The following DNM1L variants were observed in gnomAD, a reference collection of about 807,000 sequenced individuals.
DNM1L encodes dynamin 1L.
A neutral mutation model predicts 92.8 loss-of-function variants in DNM1L; 33 were observed. That is an observed-to-expected ratio of 0.36 (90% CI 0.27 to 0.48). The LOEUF (loss-of-function observed/expected upper bound fraction) is 0.48, where lower values mean the gene tolerates loss of function less well. Among genes scored for constraint, DNM1L ranks in the 20% least tolerant of loss-of-function variants. The pLI, the probability that DNM1L is intolerant of heterozygous loss-of-function variation, is 0.99. For missense variants in DNM1L, 485 were observed against 888.8 expected (o/e 0.55, Z 5.78); for synonymous variants, 284 against 305.0 (o/e 0.93, Z 0.72).
Position 32,737,851 on chromosome 12 carries a change from T to A in DNM1L, c.1597-14T>A. The A allele has an allele frequency of 1.2e-6, 2 of 1,612,890 alleles. No homozygotes were observed. Among genetic ancestry groups the A allele is most frequent in the Non-Finnish European group, 1.7e-6 (2 of 1,178,996 alleles). On this transcript the variant is annotated splice_polypyrimidine_tract_variant and intron_variant, in intron 14 of 19. Coordinates refer to ENST00000549701, the MANE Select transcript of DNM1L (RefSeq NM_012062.5). ...TCCTTGATTTTTTTTCCCCCCTGGA[T>A]TTTTTGCCTTTAGTCTTCTAAAGTT...
At chr12:32,705,942 T>G in intron 2 of DNM1L, 1 of 1,309,420 alleles carries the variant, frequency 7.6e-7, no homozygotes, top group Non-Finnish European at 1.0e-6. Flanking sequence ...ACAGGCTGTG[T>G]GTATTTTTTT....
chr12:32,740,319 A>C lies in DNM1L; in HGVS notation c.1884+79A>C, dbSNP rs1055446072. 1.7e-5 allele frequency: 27 copies of C among 1,611,782 alleles called. 1 individual carries two copies. The South Asian group carries it at 3.0e-4, about 18-fold the overall frequency. ...AAAACGATTAGACAGAAAGAACTAA[A>C]AGTCTCAAAAACTTACATAACTTTC... On this transcript the variant is annotated intron_variant, in intron 17 of 19. Transcript: ENST00000549701.
intron 9 of DNM1L, chr12:32,726,448 C>G (rs567639189): frequency 6.9e-6 from 9 of 1,309,180 alleles, no homozygotes; most frequent in Non-Finnish European, 9.9e-6. Context: ...TTTTCCTCAT[C>G]TCCTTTGTCC....
At chr12:32,738,208 CATTGGT>C in intron 15 of DNM1L, 50 bp from the exon 16 acceptor site, 3 of 1,592,288 alleles carry the variant, frequency 1.9e-6, no homozygotes, top group Non-Finnish European at 2.6e-6. Flanking sequence ...AATTTCAACC[CATTGGT>C]ATTTAAATTT....
intron 1 of DNM1L, among the ~76,000 whole-genome samples, chr12:32,694,133 G>C (rs1244651858): frequency 2.0e-5 from 3 of 152,138 alleles, no homozygotes; most frequent in Admixed American, 6.5e-5. Context: ...GCCCAGGCTG[G>C]AGTGCAGTGG....
At position 32,743,683 on chromosome 12, in the gene DNM1L, A is replaced by G; in HGVS notation, c.*273A>G. 2.2e-6 allele frequency: 1 copy of G among 459,582 alleles called. No homozygotes were observed. The highest frequency in any genetic ancestry group is 3.5e-5 in the Admixed American group (1 of 28,502). 28.5% of individuals were successfully genotyped at this position (459,582 alleles called of 1,614,324 possible). On this transcript the variant is annotated 3_prime_UTR_variant, in exon 20 of 20. Transcript: ENST00000549701. ...TTCATCTGAACTTAACTTAAAAACA[A>G]CTGTTAATGTTCTAGTTGTGCAAAG...
At chr12:32,699,547 A>G (rs1387946837) in intron 1 of DNM1L, among the ~76,000 whole-genome samples, 1 of 152,022 alleles carries the variant, frequency 6.6e-6, no homozygotes, top group Non-Finnish European at 1.5e-5. Context: ...TCAAAAAACA[A>G]TGCTTTGGGA....
intron 1 of DNM1L, among the ~76,000 whole-genome samples, chr12:32,685,624 A>T (rs183015479): frequency 6.6e-6 from 1 of 152,044 alleles, no homozygotes. Flanking sequence ...CGGCCTCCCA[A>T]AGTGCTGGGA....
intron 15 of DNM1L, 37 bp from the exon 16 acceptor site, chr12:32,738,227 C>T (rs1955037215): frequency 6.2e-7 from 1 of 1,610,596 alleles, no homozygotes; most frequent in Non-Finnish European, 8.5e-7. Context: ...TTAAATTTTG[C>T]TTGTTAAATT....
chr12:32,691,599 T>C (rs1952237806), intron 1 of DNM1L, among the ~76,000 whole-genome samples: 1 of 152,180 alleles, frequency 6.6e-6, no homozygotes, highest in Non-Finnish European at 1.5e-5. Context: ...TATAGTCACA[T>C]TCCGAGGTAC....
At chr12:32,694,285 C>T (rs539939142) in intron 1 of DNM1L, among the ~76,000 whole-genome samples, 1 of 152,202 alleles carries the variant, frequency 6.6e-6, no homozygotes, top group Admixed American at 6.5e-5. Flanking sequence ...GGGGTTTCAC[C>T]ATGTTGGCCA....
At chr12:32,727,304 T>C in intron 9 of DNM1L, 1 of 987,454 alleles carries the variant, frequency 1.0e-6, no homozygotes, top group Non-Finnish European at 1.6e-6. Flanking sequence ...CACCTTTAAC[T>C]TGCAGGTTTT....
At chr12:32,703,497 C>A (rs895961348) in intron 2 of DNM1L, among the ~76,000 whole-genome samples, 12 of 151,326 alleles carry the variant, frequency 7.9e-5, no homozygotes, top group African/African-American at 2.9e-4. Context: ...ATAAATCATT[C>A]TAACCCAGAG....
At position 32,731,301 on chromosome 12, in the gene DNM1L, T is replaced by TTGGGAAGAAC; in HGVS notation, c.1201-52_1201-43dup. The TTGGGAAGAAC allele has an allele frequency of 6.2e-7, 1 of 1,610,166 alleles. No individual in the cohort carries two copies. Among genetic ancestry groups the TTGGGAAGAAC allele is most frequent in the Non-Finnish European group, 8.5e-7 (1 of 1,177,654 alleles). On this transcript the variant is annotated intron_variant, in intron 10 of 19. Transcript: ENST00000549701. This position sits in a 1 kb window ranked among gnomAD's most constrained non-coding sequence, Gnocchi z 5.1. Reference sequence around the variant, plus strand: ...ACCAAAAATGTGACTTTCTTAACCCTTGGGAAGAACTGAAATTACATATAT... The same window carrying TTGGGAAGAAC: ...ACCAAAAATGTGACTTTCTTAACCCTTGGGAAGAACTGGGAAGAACTGAAATTACATATAT...
chr12:32,718,550 G>A (rs1025387736), intron 6 of DNM1L, 93 bp from the exon 7 acceptor site: 69 of 1,522,684 alleles, frequency 4.5e-5, no homozygotes, highest in Non-Finnish European at 6.2e-5. Flanking sequence ...TGGGATTGTA[G>A]ATGAGGGTTT....
chr12:32,685,310 C>G (rs867589262), intron 1 of DNM1L, among the ~76,000 whole-genome samples: 3 of 149,930 alleles, frequency 2.0e-5, no homozygotes, highest in African/African-American at 4.9e-5. Flanking sequence ...ATAATTCTTA[C>G]GTTTAACTTT....
In DNM1L at chr12:32,724,593, A is replaced by ATATATATATAT. The variant is rs1491525657; in HGVS notation, c.1079+1960_1079+1961insTATATATATAT. Reference sequence around the variant, plus strand: ...TCTATCTCCAAAAAAAAAAAAAAAAAATATATATATATATATATATATATA... The same window carrying ATATATATATAT: ...TCTATCTCCAAAAAAAAAAAAAAAAATATATATATATATATATATATATATATATATATATA... On this transcript the variant is annotated intron_variant, in intron 9 of 19. Transcript: ENST00000549701. Among the ~76,000 whole-genome samples, 3 of 66,666 alleles carry ATATATATATAT rather than the reference A, an allele frequency of 4.5e-5. No individual in the cohort carries two copies. The East Asian group carries it at 1.3e-3, about 28-fold the overall frequency. The allele number at this position is 66,666 out of a possible 152,430, so 43.7% of individuals were successfully genotyped here.
intron 13 of DNM1L, among the ~76,000 whole-genome samples, chr12:32,734,351 T>C (rs1483567135): frequency 2.0e-5 from 3 of 152,046 alleles, no homozygotes; most frequent in Non-Finnish European, 4.4e-5. Context: ...CTGCCGCTTT[T>C]CTCCAAAAAT....
intron 1 of DNM1L, 169 bp downstream of exon 1, chr12:32,679,634 C>CG: frequency 7.5e-7 from 1 of 1,329,964 alleles, no homozygotes; most frequent in Non-Finnish European, 9.6e-7. Flanking sequence ...CTGCCGCACC[C>CG]GCCCTCCCGG....
Sources: gnomAD v4.1 joint callset for allele counts (sites outside exome capture counted in the v4.1 genomes callset) on GRCh38, gnomAD v4.1.1 for gene constraint, Gnocchi (gnomAD v3.1) non-coding constraint, MANE v1.5 for transcripts, NCBI Gene and HGNC (gene_info 2026-07-23, HGNC 2026-07-21) for gene names.